RAVER2: variants seen among roughly 807,000 people sequenced by gnomAD.
The protein encoded by RAVER2 is ribonucleoprotein, PTB binding 2.
In RAVER2, 46 loss-of-function variants were observed where a neutral mutation model predicts 78.1. That is an observed-to-expected ratio of 0.59 (90% CI 0.46 to 0.75). RAVER2 has a LOEUF of 0.75. Ranked by LOEUF, RAVER2 falls within the 30% of genes least tolerant of loss-of-function variation. The pLI is 0.00. For synonymous variants in RAVER2, 311 were observed against 313.3 expected (o/e 0.99, Z 0.08); for missense variants, 793 against 837.5 (o/e 0.95, Z 0.66).
At chr1:64,749,137 C>T (rs2100798296) in intron 1 of RAVER2, among the ~76,000 whole-genome samples, 1 of 152,142 alleles carries the variant, frequency 6.6e-6, no homozygotes, top group African/African-American at 2.4e-5. Flanking sequence ...CTGCACCCAG[C>T]CATCAGTCTC....
chr1:64,749,901 T>G (rs943726771), intron 1 of RAVER2, among the ~76,000 whole-genome samples: 11 of 152,210 alleles, frequency 7.2e-5, no homozygotes, highest in African/African-American at 2.7e-4. Flanking sequence ...AACAGGGGCA[T>G]TTGCTTCTTA....
intron 2 of RAVER2, among the ~76,000 whole-genome samples, chr1:64,769,481 C>G (rs1363444676): frequency 6.6e-6 from 1 of 152,036 alleles, no homozygotes; most frequent in Non-Finnish European, 1.5e-5. Context: ...AAGCTGTTCA[C>G]AAATTCTTGT....
At chr1:64,768,291 A>G (rs1384140031) in intron 1 of RAVER2, among the ~76,000 whole-genome samples, 2 of 152,014 alleles carry the variant, frequency 1.3e-5, no homozygotes, top group African/African-American at 4.8e-5. Flanking sequence ...CAACTTCATG[A>G]AAGAACATTT....
chr1:64,825,780 G>C (rs1653991868), intron 11 of RAVER2, among the ~76,000 whole-genome samples: 1 of 151,910 alleles, frequency 6.6e-6, no homozygotes, highest in African/African-American at 2.4e-5. Context: ...AAATCAATGG[G>C]ATAAAAGAAA....
At position 64,745,460 on chromosome 1, in the gene RAVER2, C is replaced by A. The variant is rs1019817990; in HGVS notation, c.249+39C>A. On this transcript the variant is annotated intron_variant, in intron 1 of 11. Transcript: ENST00000294428. This position sits in a 1 kb window ranked among gnomAD's most constrained non-coding sequence, Gnocchi z 4.3. Reference sequence around the variant, plus strand: ...GATAGGGGCGACGCGTCCCGAGGGGCGGCGGGGCGGCGCTCCGTGTCCAGG... The same window carrying A: ...GATAGGGGCGACGCGTCCCGAGGGGAGGCGGGGCGGCGCTCCGTGTCCAGG... 45 of 1,481,542 alleles carry A rather than the reference C, an allele frequency of 3.0e-5. No homozygotes were observed. The highest frequency in any genetic ancestry group is 6.3e-5 in the Admixed American group (3 of 47,880). 91.8% of individuals were successfully genotyped at this position (1,481,542 alleles called of 1,614,324 possible).
chr1:64,785,717 T>TA (rs1652762591), intron 4 of RAVER2, among the ~76,000 whole-genome samples: 1 of 152,128 alleles, frequency 6.6e-6, no homozygotes, highest in Admixed American at 6.5e-5. Context: ...AACTTCTGTC[T>TA]ACTCACTTAT....
exon 12 of RAVER2, chr1:64,832,960 G>A (rs753673953): frequency 3.1e-5 from 5 of 161,418 alleles, no homozygotes; most frequent in Non-Finnish European, 6.8e-5. Context: ...GTCAAAGCAG[G>A]AAGAGGTTGA....
intron 4 of RAVER2, among the ~76,000 whole-genome samples, chr1:64,785,188 A>G (rs1652744171): frequency 6.6e-6 from 1 of 152,166 alleles, no homozygotes; most frequent in South Asian, 2.1e-4. Context: ...GGTTTTTGGT[A>G]CATATCCTTT....
intron 2 of RAVER2, among the ~76,000 whole-genome samples, chr1:64,769,848 A>G (rs1344445913): frequency 5.3e-5 from 8 of 151,978 alleles, no homozygotes; most frequent in African/African-American, 1.9e-4. Context: ...ATCTTGACTA[A>G]CCTATAATTT....
At chr1:64,791,396 T>C (rs1185173894) in intron 5 of RAVER2, among the ~76,000 whole-genome samples, 1 of 152,034 alleles carries the variant, frequency 6.6e-6, no homozygotes, top group Non-Finnish European at 1.5e-5. Flanking sequence ...CCTTATAGAG[T>C]TGGTCTTTCT....
At chr1:64,786,025 CTAAAT>C (rs1652771295) in intron 4 of RAVER2, among the ~76,000 whole-genome samples, 1 of 152,114 alleles carries the variant, frequency 6.6e-6, no homozygotes, top group Non-Finnish European at 1.5e-5. Flanking sequence ...CTTTGTGATA[CTAAAT>C]AACTTAGATG....
exon 11 of RAVER2, chr1:64,814,836 C>G: frequency 6.4e-7 from 1 of 1,564,366 alleles, no homozygotes. Context: ...GGTGATTATG[C>G]ACAGGTAAAT....
rs1181945314 is a variant in RAVER2, at chr1:64,745,390, T to TGAAAAACCTGCC, written c.219_230dup (p.Lys74_Pro77dup). On this transcript the variant is annotated inframe_insertion, in exon 1 of 12. Transcript: ENST00000294428. This position sits in a 1 kb window ranked among gnomAD's most constrained non-coding sequence, Gnocchi z 4.3. ...CTGAGCAACCGCAGGAAAATCCTGG[T>TGAAAAACCTGCC]GAAAAACCTGCCCCAGGACAGCAAC... 1.3e-6 allele frequency: 2 copies of TGAAAAACCTGCC among 1,538,822 alleles called. No homozygotes were observed. Among genetic ancestry groups the TGAAAAACCTGCC allele is most frequent in the Admixed American group, 3.9e-5 (2 of 50,690 alleles).
chr1:64,830,701 G>A (rs1205518973), intron 11 of RAVER2, 138 bp from the exon 12 acceptor site: 2 of 736,240 alleles, frequency 2.7e-6, no homozygotes. Flanking sequence ...AGGGGTTTGT[G>A]TATTTTTTGA....
At chr1:64,828,613 T>G (rs1221404386) in intron 11 of RAVER2, among the ~76,000 whole-genome samples, 4 of 152,132 alleles carry the variant, frequency 2.6e-5, no homozygotes, top group Non-Finnish European at 5.9e-5. Context: ...AAGAATTACC[T>G]TTCTCCCAGT....
chr1:64,787,096 T>C (rs1652801617), intron 4 of RAVER2, among the ~76,000 whole-genome samples: 1 of 152,248 alleles, frequency 6.6e-6, no homozygotes, highest in Non-Finnish European at 1.5e-5. Flanking sequence ...TAAAAACTGC[T>C]TGTCCTTCAT....
At chr1:64,792,682 G>T (rs1279257920) in intron 5 of RAVER2, among the ~76,000 whole-genome samples, 1 of 152,150 alleles carries the variant, frequency 6.6e-6, no homozygotes, top group African/African-American at 2.4e-5. Flanking sequence ...CTTGTGTGGG[G>T]TGGAAAGGGA....
chr1:64,764,015 C>T lies in RAVER2; in HGVS notation c.250-4641C>T, dbSNP rs534646514. On this transcript the variant is annotated intron_variant, in intron 1 of 11. Coordinates refer to ENST00000294428, the Ensembl canonical transcript of RAVER2. ...TATATTCTACTCAGCAATTATACTC[C>T]CAGCTTCATTCTTGATAGCCCCAAA... Among the ~76,000 whole-genome samples, 3 of 151,656 alleles carry T rather than the reference C, an allele frequency of 2.0e-5. No homozygotes were observed. In the East Asian group the frequency reaches 5.8e-4, roughly 30 times the overall value.
chr1:64,766,997 AC>A (rs1180360629), intron 1 of RAVER2, among the ~76,000 whole-genome samples: 1 of 152,158 alleles, frequency 6.6e-6, no homozygotes, highest in Non-Finnish European at 1.5e-5. Context: ...CATATGATTC[AC>A]CAAATGCTAT....
Sources: gnomAD v4.1 joint callset for allele counts (sites outside exome capture counted in the v4.1 genomes callset) on GRCh38, gnomAD v4.1.1 for gene constraint, Gnocchi (gnomAD v3.1) non-coding constraint, MANE v1.5 for transcripts, NCBI Gene and HGNC (gene_info 2026-07-23, HGNC 2026-07-21) for gene names.